ADGB: variants seen among roughly 807,000 people sequenced by gnomAD.
ADGB encodes calpain-7-like protein.
In ADGB, 172 loss-of-function variants were observed where a neutral mutation model predicts 210.5. That is an observed-to-expected ratio of 0.82 (90% CI 0.72 to 0.93). ADGB has a LOEUF of 0.93. Ranked by LOEUF, ADGB falls within the 40% of genes least tolerant of loss-of-function variation. The pLI is 0.00. For missense variants in ADGB, 2,025 were observed against 1,964.8 expected (o/e 1.03, Z -0.58); for synonymous variants, 658 against 662.7 (o/e 0.99, Z 0.11).
chr6:146,643,760 T>A (rs1211689152), intron 2 of ADGB, among the ~76,000 whole-genome samples: 28 of 151,922 alleles, frequency 1.8e-4, no homozygotes, highest in Admixed American at 1.8e-3. Flanking sequence ...ACAGCCCACA[T>A]GTTCTTCAAT....
chr6:146,617,984 C>T (rs1780828855), intron 1 of ADGB, among the ~76,000 whole-genome samples: 1 of 151,898 alleles, frequency 6.6e-6, no homozygotes, highest in African/African-American at 2.4e-5. Flanking sequence ...AACATAAAAG[C>T]TTGATTAACA....
intron 1 of ADGB, among the ~76,000 whole-genome samples, chr6:146,604,030 G>A (rs1238454893): frequency 1.3e-5 from 2 of 152,156 alleles, no homozygotes; most frequent in Non-Finnish European, 2.9e-5. Context: ...ACACCAGAAG[G>A]CAGAGCTAAG....
intron 19 of ADGB, 78 bp from the exon 20 acceptor site, chr6:146,728,496 T>A: frequency 7.5e-7 from 1 of 1,336,726 alleles, no homozygotes; most frequent in Non-Finnish European, 1.0e-6. Context: ...GATTTCATAT[T>A]TTAACAGATA....
At chr6:146,674,291 G>A (rs1414909281) in intron 8 of ADGB, among the ~76,000 whole-genome samples, 1 of 152,082 alleles carries the variant, frequency 6.6e-6, no homozygotes, top group African/African-American at 2.4e-5. Flanking sequence ...CAAAGTGGAA[G>A]CTGATAGAGA....
intron 29 of ADGB, among the ~76,000 whole-genome samples, chr6:146,771,114 GCCGAATACGC>G (rs1315732367): frequency 1.3e-5 from 2 of 152,010 alleles, no homozygotes; most frequent in Non-Finnish European, 2.9e-5. Flanking sequence ...CACGTCTCAA[GCCGAATACGC>G]CCGAATACGC....
chr6:146,693,140 G>A (rs1285535221), intron 12 of ADGB, among the ~76,000 whole-genome samples: 2 of 152,158 alleles, frequency 1.3e-5, no homozygotes, highest in African/African-American at 4.8e-5. Context: ...TCTTGTGTGT[G>A]TTATGAGCTG....
chr6:146,767,268 T>C (rs1367223954), intron 28 of ADGB, among the ~76,000 whole-genome samples: 1 of 152,204 alleles, frequency 6.6e-6, no homozygotes, highest in Non-Finnish European at 1.5e-5. Context: ...ATTAAAAGAT[T>C]ATTCTAAATA....
intron 29 of ADGB, among the ~76,000 whole-genome samples, chr6:146,769,599 C>G (rs750480731): frequency 2.6e-5 from 4 of 151,964 alleles, no homozygotes; most frequent in Non-Finnish European, 5.9e-5. Context: ...TCTAGTATTC[C>G]TGGCCAGGAA....
At chr6:146,658,373 G>A (rs1775812574) in intron 5 of ADGB, among the ~76,000 whole-genome samples, 1 of 151,366 alleles carries the variant, frequency 6.6e-6, no homozygotes, top group South Asian at 2.1e-4. Context: ...AAGCAGAAGG[G>A]TGATATTAAA....
Position 146,691,437 on chromosome 6 carries a change from T to TAA in ADGB, c.1486+148_1486+149insAA, listed in dbSNP as rs1215262892. The TAA allele has an allele frequency of 3.3e-4, 8 of 23,982 alleles. No homozygotes were observed. In the Admixed American group the frequency reaches 4.9e-3, roughly 15 times the overall value. The allele number at this position is 23,982 out of a possible 1,614,324, so 1.5% of individuals were successfully genotyped here. A position where few individuals can be genotyped will look rare whatever the true frequency, so the allele number is the denominator to read the frequency against. ...ATATATATATATATATATATATATA[T>TAA]ATATAAAAATATATATATATAAAAA... On this transcript the variant is annotated intron_variant, in intron 11 of 35. Transcript: ENST00000397944.
Position 146,740,483 on chromosome 6 carries a change from G to C in ADGB, c.2913G>C (p.Lys971Asn), listed in dbSNP as rs750575887. The change falls in exon 24 of 36, where the codon AAG becomes AAC. Residue 971 changes from lysine to asparagine, a missense_variant. Coordinates refer to ENST00000397944, the MANE Select transcript of ADGB (RefSeq NM_024694.4). ...LLRLMFKSKC[K>N]SLESYPCYQD... ...GACTAATGTTTAAAAGCAAGTGCAAGTCTTTGGAATCTTATCCATGCTATC... is the reference window on the plus strand; with the variant it reads ...GACTAATGTTTAAAAGCAAGTGCAACTCTTTGGAATCTTATCCATGCTATC... 1 of 1,547,082 alleles carries C rather than the reference G, an allele frequency of 6.5e-7. No individual in the cohort carries two copies. Among genetic ancestry groups the C allele is most frequent in the South Asian group, 1.2e-5 (1 of 83,402 alleles).
chr6:146,644,936 AT>A, intron 3 of ADGB, 71 bp downstream of exon 3: 5 of 916,670 alleles, frequency 5.5e-6, no homozygotes, highest in South Asian at 4.3e-5. Flanking sequence ...AAAAATTTGC[AT>A]TTTTTGTAAT....
chr6:146,685,243 A>G (rs2114915856), intron 9 of ADGB, among the ~76,000 whole-genome samples: 1 of 152,156 alleles, frequency 6.6e-6, no homozygotes, highest in Admixed American at 6.6e-5. Context: ...ATTTCAAACT[A>G]AATTATTTAT....
chr6:146,731,413 C>T lies in ADGB; in HGVS notation c.2521-1707C>T, dbSNP rs549354483. ...TACCACTGGCCTTGAGGCCGCAATCCGTATTCAACACCTGTCTCCTCTACC... is the reference window on the plus strand; with the variant it reads ...TACCACTGGCCTTGAGGCCGCAATCTGTATTCAACACCTGTCTCCTCTACC... On this transcript the variant is annotated intron_variant, in intron 20 of 35. Transcript: ENST00000397944. Among the ~76,000 whole-genome samples, 7 of 151,506 alleles carry T rather than the reference C, an allele frequency of 4.6e-5. No homozygotes were observed. The South Asian group carries it at 1.5e-3, about 32-fold the overall frequency.
chr6:146,787,601 G>C (rs537574364), intron 32 of ADGB, among the ~76,000 whole-genome samples: 1 of 151,738 alleles, frequency 6.6e-6, no homozygotes, highest in East Asian at 1.9e-4. Flanking sequence ...ATCGACTTTT[G>C]ACTACTGACT....
At chr6:146,793,786 T>A (rs1381849877) in intron 33 of ADGB, among the ~76,000 whole-genome samples, 2 of 152,142 alleles carry the variant, frequency 1.3e-5, no homozygotes, top group Non-Finnish European at 2.9e-5. Context: ...AGGCAGTGTC[T>A]TGTACTATCC....
At chr6:146,745,781 C>CT in intron 25 of ADGB, 141 bp from the exon 26 acceptor site, 1 of 568,304 alleles carries the variant, frequency 1.8e-6, no homozygotes, top group Non-Finnish European at 2.8e-6. Context: ...AAACATAATC[C>CT]TAGTGATTCT....
chr6:146,642,965 G>T (rs758193346), intron 2 of ADGB, among the ~76,000 whole-genome samples: 3 of 151,754 alleles, frequency 2.0e-5, no homozygotes, highest in African/African-American at 4.8e-5. Context: ...AGAATCAAGC[G>T]ACTGAAAACG....
At chr6:146,673,709 T>A (rs1172929027) in intron 8 of ADGB, among the ~76,000 whole-genome samples, 1 of 152,178 alleles carries the variant, frequency 6.6e-6, no homozygotes, top group Non-Finnish European at 1.5e-5. Flanking sequence ...AATTCCAAGC[T>A]GCAGAGCAAG....
Sources: allele counts gnomAD v4.1 joint callset (sites outside exome capture counted in the v4.1 genomes callset), GRCh38; gene constraint gnomAD v4.1.1; transcripts MANE v1.5; gene names NCBI Gene and HGNC (gene_info 2026-07-23, HGNC 2026-07-21).